The following DPY19L4 variants were observed in gnomAD, a reference collection of about 807,000 sequenced individuals.
DPY19L4 encodes dpy-19 like 4.
In DPY19L4, 97 loss-of-function variants were observed where a neutral mutation model predicts 102.8. That is an observed-to-expected ratio of 0.94 (90% CI 0.80 to 1.12). The LOEUF (loss-of-function observed/expected upper bound fraction) is 1.12, where lower values mean the gene tolerates loss of function less well. Among genes scored for constraint, DPY19L4 ranks in the 50% most tolerant of loss-of-function variants. The pLI is 0.00. For missense variants in DPY19L4, 815 were observed against 850.4 expected (o/e 0.96, Z 0.52); for synonymous variants, 252 against 283.1 (o/e 0.89, Z 1.10).
At chr8:94,777,128 G>A (rs193217264) in intron 13 of DPY19L4, among the ~76,000 whole-genome samples, 124 of 152,008 alleles carry the variant, frequency 8.2e-4, no homozygotes, top group Admixed American at 1.8e-3. Context: ...GTACAGTGGT[G>A]CGATCTCAGC....
chr8:94,754,655 C>T (rs1812081498), intron 6 of DPY19L4, among the ~76,000 whole-genome samples: 1 of 152,118 alleles, frequency 6.6e-6, no homozygotes, highest in Admixed American at 6.6e-5. Flanking sequence ...CTATTGAGTG[C>T]AAGAGAGCCA....
intron 2 of DPY19L4, among the ~76,000 whole-genome samples, chr8:94,728,201 C>T (rs973563557): frequency 3.9e-5 from 6 of 152,148 alleles, no homozygotes; most frequent in Non-Finnish European, 7.3e-5. Context: ...TCAGGTGATC[C>T]GCCTGCAAGC....
At chr8:94,751,123 C>T (rs35738422) in intron 6 of DPY19L4, among the ~76,000 whole-genome samples, 19,833 of 130,474 alleles carry the variant, frequency 0.15, 1,477 homozygotes, top group Non-Finnish European at 0.18. Context: ...TCTTTCTTTT[C>T]TTTTTTTTTT....
intron 7 of DPY19L4, among the ~76,000 whole-genome samples, chr8:94,757,612 G>A (rs1380125752): frequency 2.0e-5 from 3 of 151,988 alleles, no homozygotes; most frequent in South Asian, 2.1e-4. Flanking sequence ...GTATCACTAT[G>A]TTGGCCAGTC....
intron 6 of DPY19L4, among the ~76,000 whole-genome samples, chr8:94,743,580 G>T (rs1293549697): frequency 6.6e-6 from 1 of 152,092 alleles, no homozygotes; most frequent in East Asian, 1.9e-4. Flanking sequence ...AGGCTGCAGT[G>T]AGCTATTGAC....
intron 1 of DPY19L4, among the ~76,000 whole-genome samples, chr8:94,725,832 A>G (rs1448793495): frequency 1.3e-5 from 2 of 151,896 alleles, no homozygotes; most frequent in East Asian, 3.9e-4. Context: ...TAGTAGAGAC[A>G]GGGTTTCACC....
At chr8:94,755,287 C>T (rs943839909) in intron 6 of DPY19L4, among the ~76,000 whole-genome samples, 3 of 152,062 alleles carry the variant, frequency 2.0e-5, no homozygotes, top group African/African-American at 7.2e-5. Context: ...TTCTGAACTT[C>T]ATACTCCTTT....
At chr8:94,776,958 C>T (rs183460372) in intron 13 of DPY19L4, among the ~76,000 whole-genome samples, 78 of 132,070 alleles carry the variant, frequency 5.9e-4, no homozygotes, top group African/African-American at 2.2e-3. Flanking sequence ...AGTGAGACTC[C>T]GCTTCAAAAA....
At position 94,752,826 on chromosome 8, in the gene DPY19L4, G is replaced by A. The variant is rs535163160; in HGVS notation, c.612-3210G>A. Among the ~76,000 whole-genome samples, 566 of 151,084 alleles carry A rather than the reference G, an allele frequency of 3.7e-3. 3 individuals carry two copies. Among genetic ancestry groups the A allele is most frequent in the African/African-American group, 0.013 (546 of 41,332 alleles). On this transcript the variant is annotated intron_variant, in intron 6 of 18. Coordinates refer to ENST00000414645, the MANE Select transcript of DPY19L4 (RefSeq NM_181787.3). ...ACTACAGGCGGTCGCCACCATGCCC[G>A]GCTAATTTTTTTGTATTTTTAATAG...
chr8:94,787,279 G>A (rs1813696788), intron 17 of DPY19L4, among the ~76,000 whole-genome samples: 1 of 152,092 alleles, frequency 6.6e-6, no homozygotes, highest in African/African-American at 2.4e-5. Flanking sequence ...AGGCTAGATA[G>A]GATAGAACCA....
chr8:94,770,252 G>C (rs1304484051), intron 12 of DPY19L4, among the ~76,000 whole-genome samples, 200 bp from the exon 13 acceptor site: 1 of 152,034 alleles, frequency 6.6e-6, no homozygotes, highest in East Asian at 1.9e-4. Flanking sequence ...GGTTCTAAAA[G>C]CCATTCGCAG....
At chr8:94,765,063 C>A in intron 8 of DPY19L4, 120 bp from the exon 9 acceptor site, 1 of 778,208 alleles carries the variant, frequency 1.3e-6, no homozygotes, top group Non-Finnish European at 1.9e-6. Flanking sequence ...TTGCATAATA[C>A]TTTCCTAAAT....
chr8:94,737,407 C>T (rs1025631308), intron 3 of DPY19L4, among the ~76,000 whole-genome samples: 1 of 152,030 alleles, frequency 6.6e-6, no homozygotes, highest in African/African-American at 2.4e-5. Flanking sequence ...AACTCCTGAC[C>T]TTAAGTGATC....
At chr8:94,777,578 A>G (rs1487467890) in intron 13 of DPY19L4, 88 bp from the exon 14 acceptor site, 3 of 1,466,802 alleles carry the variant, frequency 2.0e-6, no homozygotes, top group Non-Finnish European at 2.7e-6. Context: ...TATTTTCGTG[A>G]GTAGTAGGAA....
chr8:94,720,951 C>CA (rs1420242305), intron 1 of DPY19L4, among the ~76,000 whole-genome samples: 2 of 144,038 alleles, frequency 1.4e-5, no homozygotes, highest in Non-Finnish European at 3.1e-5. Flanking sequence ...GCCCCCCTGC[C>CA]TTTTTTTTTT....
intron 6 of DPY19L4, among the ~76,000 whole-genome samples, chr8:94,753,117 T>C (rs1304564056): frequency 6.6e-6 from 1 of 152,138 alleles, no homozygotes; most frequent in Non-Finnish European, 1.5e-5. Flanking sequence ...AATTTAACAA[T>C]GTTGGCCTCT....
intron 8 of DPY19L4, among the ~76,000 whole-genome samples, chr8:94,762,684 G>A (rs902919834): frequency 6.6e-6 from 1 of 152,074 alleles, no homozygotes; most frequent in East Asian, 1.9e-4. Flanking sequence ...AGGATTGTTT[G>A]AGCCCAGGAA....
chr8:94,782,681 GA>G, intron 16 of DPY19L4, among the ~76,000 whole-genome samples: 1 of 152,206 alleles, frequency 6.6e-6, no homozygotes. Flanking sequence ...TTGGTTTATA[GA>G]ATAGGTATAT....
chr8:94,740,556 A>G (rs1586334385), intron 6 of DPY19L4, among the ~76,000 whole-genome samples: 3 of 151,916 alleles, frequency 2.0e-5, no homozygotes, highest in Admixed American at 6.6e-5. Flanking sequence ...CCAGGTTCAC[A>G]CCATTCTCCT....
Sources: gnomAD v4.1 joint callset for allele counts (sites outside exome capture counted in the v4.1 genomes callset) on GRCh38, gnomAD v4.1.1 for gene constraint, MANE v1.5 for transcripts, NCBI Gene and HGNC (gene_info 2026-07-23, HGNC 2026-07-21) for gene names.